The following BCL2 variants were observed in gnomAD, a reference collection of about 807,000 sequenced individuals.
BCL2 encodes apoptosis regulator Bcl-2.
Under a neutral mutation model 14.2 loss-of-function variants are expected in BCL2, and 1 was observed. The ratio of observed to expected loss-of-function variants is 0.07; its 90% confidence interval spans 0.02 to 0.33. The LOEUF is 0.33. Among genes scored for constraint, BCL2 ranks in the 10% least tolerant of loss-of-function variants. The pLI is 0.99. For synonymous variants in BCL2, 151 were observed against 137.2 expected (o/e 1.10, Z -0.70); for missense variants, 247 against 305.9 (o/e 0.81, Z 1.44).
intron 2 of BCL2, among the ~76,000 whole-genome samples, chr18:63,297,446 T>C (rs546660352): frequency 1.1e-4 from 17 of 152,320 alleles, no homozygotes; most frequent in Non-Finnish European, 1.9e-4. Context: ...TCAATTCAGA[T>C]TGGCCACATT....
At chr18:63,261,522 C>A (rs757523286) in intron 2 of BCL2, among the ~76,000 whole-genome samples, 1 of 152,212 alleles carries the variant, frequency 6.6e-6, no homozygotes, top group Non-Finnish European at 1.5e-5. Context: ...CCATGCAGGG[C>A]AGCCTTTCCT....
chr18:63,201,571 C>A (rs549990383), intron 2 of BCL2, among the ~76,000 whole-genome samples: 1 of 152,240 alleles, frequency 6.6e-6, no homozygotes, highest in South Asian at 2.1e-4. Context: ...CGACTTGGAA[C>A]CAACCCAAAT....
At chr18:63,192,974 A>T (rs1411615920) in intron 2 of BCL2, among the ~76,000 whole-genome samples, 1 of 152,238 alleles carries the variant, frequency 6.6e-6, no homozygotes, top group Non-Finnish European at 1.5e-5. Flanking sequence ...TGTTTCATGT[A>T]TGAAGAGAAA....
chr18:63,288,287 G>A (rs1912531712), intron 2 of BCL2, among the ~76,000 whole-genome samples: 2 of 152,166 alleles, frequency 1.3e-5, no homozygotes, highest in South Asian at 4.1e-4. Flanking sequence ...AAGAGGGAAT[G>A]ACACTGACCC....
At chr18:63,311,288 G>C (rs1913310534) in intron 2 of BCL2, among the ~76,000 whole-genome samples, 2 of 152,036 alleles carry the variant, frequency 1.3e-5, no homozygotes, top group Admixed American at 1.3e-4. Context: ...TATCATCCTG[G>C]TTATCTGCTA....
intron 2 of BCL2, among the ~76,000 whole-genome samples, chr18:63,189,942 G>A (rs943996554): frequency 6.6e-6 from 1 of 152,108 alleles, no homozygotes; most frequent in East Asian, 1.9e-4. Flanking sequence ...ATCTGTTGTG[G>A]AAAAGTGGTC....
chr18:63,276,345 T>C (rs1355607249), intron 2 of BCL2, among the ~76,000 whole-genome samples: 1 of 128,586 alleles, frequency 7.8e-6, no homozygotes, highest in Non-Finnish European at 1.8e-5. Flanking sequence ...CCCAAAATGC[T>C]TGAAAAAGCA....
intron 2 of BCL2, among the ~76,000 whole-genome samples, chr18:63,144,178 C>A (rs183004162): frequency 6.6e-6 from 1 of 152,198 alleles, no homozygotes. Context: ...CGTTTTAGCT[C>A]TTTCTTTCCT....
At chr18:63,155,156 G>A (rs1234837007) in intron 2 of BCL2, among the ~76,000 whole-genome samples, 1 of 152,200 alleles carries the variant, frequency 6.6e-6, no homozygotes, top group Non-Finnish European at 1.5e-5. Context: ...GGCTCATGAT[G>A]CCAAACGTCT....
intron 2 of BCL2, among the ~76,000 whole-genome samples, chr18:63,284,352 T>C (rs1232524919): frequency 1.3e-5 from 2 of 151,966 alleles, no homozygotes; most frequent in Non-Finnish European, 2.9e-5. Context: ...AGGGGTGCAG[T>C]GGTTGAGGAG....
chr18:63,184,481 T>C (rs576042270), intron 2 of BCL2, among the ~76,000 whole-genome samples: 34 of 152,304 alleles, frequency 2.2e-4, no homozygotes, highest in Non-Finnish European at 8.8e-5. Context: ...GATGAACAGA[T>C]CAGATCTTCA....
intron 2 of BCL2, among the ~76,000 whole-genome samples, chr18:63,296,947 T>C (rs749879004): frequency 3.9e-5 from 6 of 152,218 alleles, no homozygotes; most frequent in Non-Finnish European, 8.8e-5. Flanking sequence ...GCACGGTGGC[T>C]CACGCCTGTA....
At chr18:63,261,807 T>C (rs1911668627) in intron 2 of BCL2, among the ~76,000 whole-genome samples, 1 of 151,858 alleles carries the variant, frequency 6.6e-6, no homozygotes, top group African/African-American at 2.4e-5. Flanking sequence ...TTTTTTTTAT[T>C]TTGAGACAGA....
chr18:63,152,585 A>T (rs548786605), intron 2 of BCL2, among the ~76,000 whole-genome samples: 10 of 152,356 alleles, frequency 6.6e-5, no homozygotes, highest in African/African-American at 2.4e-4. Context: ...ACATTTGTGT[A>T]CAAAGCCAAA....
At chr18:63,307,037 T>C (rs1322371961) in intron 2 of BCL2, among the ~76,000 whole-genome samples, 3 of 152,132 alleles carry the variant, frequency 2.0e-5, no homozygotes, top group East Asian at 3.9e-4. Context: ...TTTTTAAAAG[T>C]ATGGTATAAA....
intron 2 of BCL2, among the ~76,000 whole-genome samples, chr18:63,137,609 G>C (rs113613051): frequency 5.9e-5 from 9 of 152,212 alleles, no homozygotes; most frequent in African/African-American, 2.2e-4. Flanking sequence ...AGGGACTGAT[G>C]GTTAGCCGGT....
intron 2 of BCL2, among the ~76,000 whole-genome samples, chr18:63,298,128 C>G (rs1912852063): frequency 6.6e-6 from 1 of 152,114 alleles, no homozygotes; most frequent in Non-Finnish European, 1.5e-5. Flanking sequence ...GAATCTCTTC[C>G]CTATGCTGAC....
intron 2 of BCL2, among the ~76,000 whole-genome samples, chr18:63,285,906 G>A (rs4987727): frequency 1.4e-4 from 21 of 152,364 alleles, no homozygotes; most frequent in Admixed American, 7.2e-4. Flanking sequence ...GATGGTGATG[G>A]AGGGGCAGGT....
intron 2 of BCL2, among the ~76,000 whole-genome samples, chr18:63,252,670 G>GT (rs1911351273): frequency 6.6e-6 from 1 of 152,300 alleles, no homozygotes; most frequent in East Asian, 1.9e-4. Context: ...TGTCTGCCAC[G>GT]TGAGATGTGC....
Sources: allele counts gnomAD v4.1 joint callset (sites outside exome capture counted in the v4.1 genomes callset), GRCh38; gene constraint gnomAD v4.1.1; transcripts MANE v1.5; gene names NCBI Gene and HGNC (gene_info 2026-07-23, HGNC 2026-07-21).